The following KCNQ1 variants were observed in gnomAD, a reference collection of about 807,000 sequenced individuals.
KCNQ1 encodes the protein potassium voltage-gated channel subfamily KQT member 1.
In KCNQ1, 49 loss-of-function variants were observed where a neutral mutation model predicts 72.4. The observed-to-expected ratio is 0.68, with a 90% CI of 0.54 to 0.86. The LOEUF (loss-of-function observed/expected upper bound fraction) is 0.86. Among genes scored for constraint, KCNQ1 ranks in the 40% least tolerant of loss-of-function variants. KCNQ1 has a pLI of 0.00. For missense variants in KCNQ1, 790 were observed against 945.1 expected, an observed-to-expected ratio of 0.84 and a Z score of 2.15; for synonymous variants, 450 against 412.6, an observed-to-expected ratio of 1.09 and a Z score of -1.10.
At position 2,570,755 on chromosome 11, in the gene KCNQ1, G is replaced by T; in HGVS notation, c.604+1G>T. ...GCCCGGAAGCCCATTTCCATCATCG[G>T]TGAGTCATGCCTGCCCTGTGGAGGT... is the stretch of plus-strand genomic sequence containing the variant. On this transcript the variant is annotated splice_donor_variant, in intron 3 of 15. Transcript: ENST00000155840. LOFTEE classifies it high-confidence loss of function. 1 of 1,610,438 alleles carries T rather than the reference G, an allele frequency of 6.2e-7. No individual in the cohort carries two copies.
chr11:2,448,656 G>A (rs931378840), intron 1 of KCNQ1, among the ~76,000 whole-genome samples: 1 of 152,222 alleles, frequency 6.6e-6, no homozygotes, highest in Admixed American at 6.5e-5. Flanking sequence ...GAGCCATCAG[G>A]TCTCTTTCTC....
rs1294456471 is a variant in KCNQ1, at chr11:2,567,819, G to C, written c.478-2809G>C. 1.3e-5 allele frequency among the ~76,000 whole-genome samples: 2 copies of C among 152,244 alleles called. No homozygotes were observed. Among genetic ancestry groups the C allele is most frequent in the African/African-American group, 4.8e-5 (2 of 41,462 alleles). ...AGGCCAGCCCCTAAACAGGTTCCCT[G>C]AGTGTTAGGTCAAAATAACTTTAAA... On this transcript the variant is annotated intron_variant, in intron 2 of 15. Transcript: ENST00000155840. This position sits in a 1 kb window ranked among gnomAD's most constrained non-coding sequence, Gnocchi z 6.6.
chr11:2,557,889 C>T (rs1848095775), intron 2 of KCNQ1, among the ~76,000 whole-genome samples: 1 of 152,218 alleles, frequency 6.6e-6, no homozygotes, highest in South Asian at 2.1e-4. Context: ...GTTTTGTTCC[C>T]TTATGTCTGC....
intron 15 of KCNQ1, among the ~76,000 whole-genome samples, chr11:2,842,625 C>T (rs943933314): frequency 1.3e-5 from 2 of 152,208 alleles, no homozygotes; most frequent in Admixed American, 6.5e-5. Context: ...CTTGCACGCA[C>T]AGTCTCCCAC....
At chr11:2,684,472 G>T (rs1850450949) in intron 11 of KCNQ1, 7 of 398,682 alleles carry the variant, frequency 1.8e-5, no homozygotes, top group Non-Finnish European at 3.1e-5. Context: ...CTATGCTCCA[G>T]AACTTTCTGG....
At chr11:2,722,988 G>A (rs1030531179) in intron 11 of KCNQ1, among the ~76,000 whole-genome samples, 7 of 152,338 alleles carry the variant, frequency 4.6e-5, no homozygotes, top group Non-Finnish European at 8.8e-5. Flanking sequence ...GGGGTGCCTC[G>A]GGGCAGGCTC....
chr11:2,766,629 G>A lies in KCNQ1; in HGVS notation c.1515-2215G>A, dbSNP rs924193838. On this transcript the variant is annotated intron_variant, in intron 11 of 15. Transcript: ENST00000155840. This position sits in a 1 kb window ranked among gnomAD's most constrained non-coding sequence, Gnocchi z 4.4. ...GTCTGCCCTCTGGCCATAACTTTTC[G>A]CATTCTCCCCTATGCAAAATTCACT... Among the ~76,000 whole-genome samples, 3 of 151,934 alleles carry A rather than the reference G, an allele frequency of 2.0e-5. No individual in the cohort carries two copies. The highest frequency in any genetic ancestry group is 6.6e-5 in the Admixed American group (1 of 15,260).
chr11:2,667,647 G>C (rs1850104531), intron 11 of KCNQ1: 1 of 398,634 alleles, frequency 2.5e-6, no homozygotes, highest in Non-Finnish European at 4.4e-6. Flanking sequence ...ATACCTGAAA[G>C]GGGAGATTGA....
At position 2,565,849 on chromosome 11, in the gene KCNQ1, T is replaced by C. The variant is rs1029959846; in HGVS notation, c.478-4779T>C. On this transcript the variant is annotated intron_variant, in intron 2 of 15. Coordinates refer to ENST00000155840, the MANE Select transcript of KCNQ1 (RefSeq NM_000218.3). The surrounding 1 kb of genome is among the most constrained non-coding windows in gnomAD (Gnocchi z 5.6). ...CCCATGGGGTTTGGCTTCCTGACCCTGAACGTCTTTGTCCCAGGCCCTTCA... is the reference window on the plus strand; with the variant it reads ...CCCATGGGGTTTGGCTTCCTGACCCCGAACGTCTTTGTCCCAGGCCCTTCA... Among the ~76,000 whole-genome samples the C allele has an allele frequency of 1.3e-5, 2 of 152,232 alleles. No individual in the cohort carries two copies. Among genetic ancestry groups the C allele is most frequent in the African/African-American group, 4.8e-5 (2 of 41,460 alleles).
chr11:2,684,784 C>T, intron 11 of KCNQ1: 1 of 398,624 alleles, frequency 2.5e-6, no homozygotes, highest in Non-Finnish European at 4.4e-6. Flanking sequence ...AGCCTTCCCT[C>T]CCCACTGGTC....
At position 2,698,966 on chromosome 11, in the gene KCNQ1, C is replaced by A; in HGVS notation, c.1514+36885C>A. ...CCCAACTAGGATACCTAACTCAGAA[C>A]CACAACGGGGATTCCCACCTCCGAT... On this transcript the variant is annotated intron_variant, in intron 11 of 15. Coordinates refer to ENST00000155840, the MANE Select transcript of KCNQ1 (RefSeq NM_000218.3). This position sits in a 1 kb window ranked among gnomAD's most constrained non-coding sequence, Gnocchi z 5.1. 2.5e-6 allele frequency: 1 copy of A among 398,648 alleles called. No homozygotes were observed. The highest frequency in any genetic ancestry group is 4.4e-6 in the Non-Finnish European group (1 of 226,072). The allele number at this position is 398,648 out of a possible 1,614,324, so 24.7% of individuals were successfully genotyped here. A position where few individuals can be genotyped will look rare whatever the true frequency, so the allele number is the denominator to read the frequency against.
chr11:2,542,561 G>A (rs922158143), intron 2 of KCNQ1, among the ~76,000 whole-genome samples: 1 of 152,240 alleles, frequency 6.6e-6, no homozygotes, highest in Non-Finnish European at 1.5e-5. Flanking sequence ...AATTGAGACA[G>A]CAGGCACATC....
Position 2,785,541 on chromosome 11 carries a change from C to A in KCNQ1, c.1794+7504C>A, listed in dbSNP as rs10832699. Among the ~76,000 whole-genome samples the A allele has an allele frequency of 2.6e-5, 4 of 151,466 alleles. No homozygotes were observed. Among genetic ancestry groups the A allele is most frequent in the Admixed American group, 2.0e-4 (3 of 15,240 alleles). ...TTAAATCCTTTTCTTTTTAATCCTA[C>A]AACCGTAGGATTTCAGGTTTGTCTT... On this transcript the variant is annotated intron_variant, in intron 15 of 15. Coordinates refer to ENST00000155840, the MANE Select transcript of KCNQ1 (RefSeq NM_000218.3). This position sits in a 1 kb window ranked among gnomAD's most constrained non-coding sequence, Gnocchi z 4.4.
chr11:2,699,071 A>T (rs148835915), intron 11 of KCNQ1: 3 of 398,548 alleles, frequency 7.5e-6, no homozygotes, highest in African/African-American at 6.2e-5. Context: ...CAAAACCACA[A>T]CATGGATTCC....
In KCNQ1 at chr11:2,612,183, C is replaced by G. The variant is rs901818906; in HGVS notation, c.1393+23329C>G. 9 of 398,534 alleles carry G rather than the reference C, an allele frequency of 2.3e-5. No individual in the cohort carries two copies. The highest frequency in any genetic ancestry group is 1.9e-4 in the African/African-American group (9 of 48,640). 24.7% of individuals were successfully genotyped at this position (398,534 alleles called of 1,614,324 possible). ...TACACAGCAGGAGGTGAGCAGCAGG[C>G]AAGCAAGCATTACTGCCTGAGCTCT... On this transcript the variant is annotated intron_variant, in intron 10 of 15. Coordinates refer to ENST00000155840, the MANE Select transcript of KCNQ1 (RefSeq NM_000218.3). The surrounding 1 kb of genome is among the most constrained non-coding windows in gnomAD (Gnocchi z 5.5).
rs1266958902 is a variant in KCNQ1, at chr11:2,687,578, G to T, written c.1514+25497G>T. 1 of 398,634 alleles carries T rather than the reference G, an allele frequency of 2.5e-6. No homozygotes were observed. The highest frequency in any genetic ancestry group is 3.6e-5 in the East Asian group (1 of 28,094). 24.7% of individuals were successfully genotyped at this position (398,634 alleles called of 1,614,324 possible). ...GCCCACTCTGATGACCCCCTGTCAAGGAGGTGTGACTGAGAAAGGAAGGGG... is the reference window on the plus strand; with the variant it reads ...GCCCACTCTGATGACCCCCTGTCAATGAGGTGTGACTGAGAAAGGAAGGGG... On this transcript the variant is annotated intron_variant, in intron 11 of 15. Coordinates refer to ENST00000155840, the MANE Select transcript of KCNQ1 (RefSeq NM_000218.3). This position sits in a 1 kb window ranked among gnomAD's most constrained non-coding sequence, Gnocchi z 5.0.
rs546441967 is a variant in KCNQ1, at chr11:2,742,287, G to T, written c.1515-26557G>T. Reference sequence around the variant, plus strand: ...TATGAGATGGGCAGGGCAGTCCAGGGCAGGGGAAGCCCTGTGCCCCAAGAT... The same window carrying T: ...TATGAGATGGGCAGGGCAGTCCAGGTCAGGGGAAGCCCTGTGCCCCAAGAT... On this transcript the variant is annotated intron_variant, in intron 11 of 15. Coordinates refer to ENST00000155840, the MANE Select transcript of KCNQ1 (RefSeq NM_000218.3). 5.3e-5 allele frequency among the ~76,000 whole-genome samples: 8 copies of T among 152,314 alleles called. No individual in the cohort carries two copies. In the South Asian group the frequency reaches 1.7e-3, roughly 32 times the overall value.
In KCNQ1 at chr11:2,468,711, C is replaced by T. The variant is rs1013191896; in HGVS notation, c.386+23227C>T. On this transcript the variant is annotated intron_variant, in intron 1 of 15. Transcript: ENST00000155840. The surrounding 1 kb of genome is among the most constrained non-coding windows in gnomAD (Gnocchi z 5.7). Reference sequence around the variant, plus strand: ...GTTTCGTCTGGCTTCTTTTATTCAGCGTCATGATTTTGAGCTGTGTGTCTG... The same window carrying T: ...GTTTCGTCTGGCTTCTTTTATTCAGTGTCATGATTTTGAGCTGTGTGTCTG... Among the ~76,000 whole-genome samples, 9 of 152,174 alleles carry T rather than the reference C, an allele frequency of 5.9e-5. No individual in the cohort carries two copies. Among genetic ancestry groups the T allele is most frequent in the African/African-American group, 1.9e-4 (8 of 41,446 alleles).
In KCNQ1 at chr11:2,536,018, C is replaced by T. The variant is rs1356226696; in HGVS notation, c.477+8000C>T. The stretch of plus-strand genomic sequence containing the variant: ...CATGAAGACCCGGTGGTTCTGTTCC[C>T]CCGGGACAGCCTTGGTCCAGCCTCA... On this transcript the variant is annotated intron_variant, in intron 2 of 15. Coordinates refer to ENST00000155840, the MANE Select transcript of KCNQ1 (RefSeq NM_000218.3). This position sits in a 1 kb window ranked among gnomAD's most constrained non-coding sequence, Gnocchi z 7.4. 1.2e-4 allele frequency among the ~76,000 whole-genome samples: 19 copies of T among 152,134 alleles called. No individual in the cohort carries two copies. Among genetic ancestry groups the T allele is most frequent in the Admixed American group, 5.2e-4 (8 of 15,282 alleles).
Sources: allele counts gnomAD v4.1 joint callset (sites outside exome capture counted in the v4.1 genomes callset), GRCh38; gene constraint gnomAD v4.1.1; non-coding constraint Gnocchi (gnomAD v3.1); transcripts MANE v1.5; gene names NCBI Gene and HGNC (gene_info 2026-07-23, HGNC 2026-07-21).